Variants in STOX2 observed in about 807,000 individuals in gnomAD.
STOX2 encodes storkhead-box protein 2.
In STOX2, 28 loss-of-function variants were observed where a neutral mutation model predicts 60.9. The observed-to-expected ratio is 0.46, with a 90% CI of 0.34 to 0.63. STOX2 has a LOEUF of 0.63. Ranked by LOEUF, STOX2 falls within the 30% of genes least tolerant of loss-of-function variation. STOX2 has a pLI of 0.01. For missense variants in STOX2, 1,024 were observed against 1,187.7 expected (o/e 0.86, Z 2.03); for synonymous variants, 472 against 463.9 (o/e 1.02, Z -0.22).
chr4:183,943,546 A>G (rs576419259), intron 1 of STOX2, among the ~76,000 whole-genome samples: 87 of 152,344 alleles, frequency 5.7e-4, no homozygotes, highest in Admixed American at 3.1e-3. Flanking sequence ...TAAATAAAAT[A>G]TAGAGAAATA....
At chr4:183,935,712 A>G (rs1247223911) in intron 1 of STOX2, among the ~76,000 whole-genome samples, 1 of 152,248 alleles carries the variant, frequency 6.6e-6, no homozygotes, top group Non-Finnish European at 1.5e-5. Flanking sequence ...GGTTGTTATG[A>G]GAATTAATAT....
chr4:183,975,524 A>G (rs1178631513), intron 1 of STOX2, among the ~76,000 whole-genome samples: 2 of 152,170 alleles, frequency 1.3e-5, no homozygotes, highest in African/African-American at 4.8e-5. Flanking sequence ...AAATATAATA[A>G]GCAAACACCA....
At chr4:183,966,102 T>G (rs556296372) in intron 1 of STOX2, among the ~76,000 whole-genome samples, 147 of 151,522 alleles carry the variant, frequency 9.7e-4, no homozygotes, top group African/African-American at 3.1e-3. Context: ...GAAAGACAGG[T>G]GGGTCAGGCA....
chr4:183,872,616 T>C (rs972681287), intron 1 of STOX2, among the ~76,000 whole-genome samples: 1 of 152,106 alleles, frequency 6.6e-6, no homozygotes, highest in Non-Finnish European at 1.5e-5. Flanking sequence ...GATTGTGAAG[T>C]GGTGGTTTTT....
In STOX2 at chr4:183,942,796, TA is replaced by T. The variant is rs200043887; in HGVS notation, c.166+35849del. 2.4e-4 allele frequency among the ~76,000 whole-genome samples: 36 copies of T among 151,756 alleles called. No homozygotes were observed. The East Asian group carries it at 3.9e-3, about 16-fold the overall frequency. On this transcript the variant is annotated intron_variant, in intron 1 of 3. Coordinates refer to ENST00000308497, the MANE Select transcript of STOX2 (RefSeq NM_020225.3). ...TAAAGATTTTCTATATCATGTGCTT[TA>T]AAAAAAAACTTTTTTAATGGTTTGA...
chr4:184,009,346 T>G lies in STOX2; in HGVS notation c.508T>G (p.Cys170Gly), dbSNP rs1250018704. ...LDERIPDRSQ[C>G]TSPQPGTITP... ...CGAGAGGATACCTGACCGGTCTCAGTGCACCTCTCCGCAACCCGGGACCAT... is the reference window on the plus strand; with the variant it reads ...CGAGAGGATACCTGACCGGTCTCAGGGCACCTCTCCGCAACCCGGGACCAT... The change falls in exon 3 of 4, where the codon TGC becomes GGC. Residue 170 changes from cysteine (C) to glycine (G), a missense_variant. Physicochemically the swap from Cys to Gly is radical, Grantham distance 159. Around this residue, in one of 3 missense-constraint regions of STOX2, gnomAD observed 922 missense variants for 1,058.3 expected, o/e 0.87. Transcript: ENST00000308497. The surrounding 1 kb of genome is among the most constrained non-coding windows in gnomAD (Gnocchi z 4.0). The G allele has an allele frequency of 3.1e-6, 5 of 1,613,980 alleles. No individual in the cohort carries two copies. The highest frequency in any genetic ancestry group is 4.2e-6 in the Non-Finnish European group (5 of 1,179,894).
chr4:183,932,697 T>C (rs1038669473), intron 1 of STOX2, among the ~76,000 whole-genome samples: 7 of 150,502 alleles, frequency 4.7e-5, no homozygotes, highest in African/African-American at 1.7e-4. Context: ...GCCTTGAATA[T>C]GAACTGTTCT....
At position 184,010,361 on chromosome 4, in the gene STOX2, C is replaced by A. The variant is rs375884130; in HGVS notation, c.1523C>A (p.Thr508Lys). The change falls in exon 3 of 4, where the codon ACG becomes AAG. Residue 508 changes from threonine (T) to lysine (K), a missense_variant. Physicochemically the swap from Thr to Lys is moderately conservative, Grantham distance 78 (BLOSUM62 -1). This residue lies in a region of STOX2 where 922 missense variants were observed against 1,058.3 expected (regional missense o/e 0.87). Transcript: ENST00000308497. This position sits in a 1 kb window ranked among gnomAD's most constrained non-coding sequence, Gnocchi z 4.5. ...KGPLGASSLGTPEDLAEGCSQ... is the reference protein window; with the variant it reads ...KGPLGASSLGKPEDLAEGCSQ... ...CCTCTGGGTGCTTCTTCTCTAGGGA[C>A]GCCGGAAGACCTTGCTGAAGGCTGC... The A allele has an allele frequency of 6.2e-7, 1 of 1,611,858 alleles. No homozygotes were observed. The highest frequency in any genetic ancestry group is 1.1e-5 in the South Asian group (1 of 90,536).
At chr4:183,831,135 G>A (rs1360199376) in intron 1 of STOX2, among the ~76,000 whole-genome samples, 1 of 151,836 alleles carries the variant, frequency 6.6e-6, no homozygotes, top group Non-Finnish European at 1.5e-5. Context: ...CGTGAGGGGG[G>A]ATGGTGGGGG....
intron 1 of STOX2, among the ~76,000 whole-genome samples, chr4:183,972,031 T>C (rs1032260910): frequency 6.6e-6 from 1 of 152,202 alleles, no homozygotes; most frequent in Non-Finnish European, 1.5e-5. Flanking sequence ...CTTCCTGACC[T>C]GAGAAGCAGG....
Position 184,001,483 on chromosome 4 carries a change from G to C in STOX2, c.319+6G>C, listed in dbSNP as rs757388667. The C allele has an allele frequency of 3.7e-6, 6 of 1,613,412 alleles. No homozygotes were observed. The highest frequency in any genetic ancestry group is 5.1e-6 in the Non-Finnish European group (6 of 1,179,710). ...CCTGACCACGTGCTTCCCAGGTAAC[G>C]AGGCGGGAACGTAGCACTTTCCAGG... On this transcript the variant is annotated splice_donor_region_variant and intron_variant, in intron 2 of 3. Transcript: ENST00000308497. This position sits in a 1 kb window ranked among gnomAD's most constrained non-coding sequence, Gnocchi z 4.2.
chr4:183,855,102 T>C (rs1258378407), intron 1 of STOX2, among the ~76,000 whole-genome samples: 1 of 152,032 alleles, frequency 6.6e-6, no homozygotes, highest in Non-Finnish European at 1.5e-5. Context: ...TTGGCCAAAT[T>C]AAAATGAGGG....
intron 1 of STOX2, among the ~76,000 whole-genome samples, chr4:183,802,571 G>A (rs1241522763): frequency 6.7e-6 from 1 of 150,332 alleles, no homozygotes; most frequent in Non-Finnish European, 1.5e-5. Context: ...TAGAGACAGG[G>A]TCTCCCTATG....
chr4:183,833,769 T>G (rs1294189912), intron 1 of STOX2, among the ~76,000 whole-genome samples: 15 of 149,768 alleles, frequency 1.0e-4, no homozygotes, highest in African/African-American at 3.4e-4. Context: ...GATCACGAGG[T>G]CAGGAGATCG....
intron 1 of STOX2, among the ~76,000 whole-genome samples, chr4:183,996,233 T>C (rs1210717106): frequency 6.6e-6 from 1 of 152,220 alleles, no homozygotes; most frequent in Admixed American, 6.5e-5. Flanking sequence ...AAAATAAAGC[T>C]GAACTAAAAT....
intron 1 of STOX2, among the ~76,000 whole-genome samples, chr4:183,950,959 T>G (rs140912258): frequency 4.6e-5 from 7 of 152,190 alleles, no homozygotes; most frequent in African/African-American, 9.6e-5. Flanking sequence ...CTCACGCCTG[T>G]AATCCCAGCA....
intron 1 of STOX2, among the ~76,000 whole-genome samples, chr4:183,916,921 G>A (rs1741947739): frequency 6.6e-6 from 1 of 152,176 alleles, no homozygotes; most frequent in Admixed American, 6.5e-5. Context: ...GAGGAAACCT[G>A]ATGGAGTGTG....
At chr4:183,950,978 G>A (rs1261199593) in intron 1 of STOX2, among the ~76,000 whole-genome samples, 25 of 152,212 alleles carry the variant, frequency 1.6e-4, no homozygotes, top group African/African-American at 5.3e-4. Context: ...CACTTTGGGA[G>A]GCCGAGGCGG....
At chr4:184,004,918 T>C (rs1560935314) in intron 2 of STOX2, among the ~76,000 whole-genome samples, 1 of 152,210 alleles carries the variant, frequency 6.6e-6, no homozygotes, top group Non-Finnish European at 1.5e-5. Context: ...AGCTAGACCC[T>C]ATAAGTCCAG....
Sources: gnomAD v4.1 joint callset for allele counts (sites outside exome capture counted in the v4.1 genomes callset) on GRCh38, gnomAD v4.1.1 for gene constraint, gnomAD v4.1.1 regional missense constraint, Gnocchi (gnomAD v3.1) non-coding constraint, MANE v1.5 for transcripts, NCBI Gene and HGNC (gene_info 2026-07-23, HGNC 2026-07-21) for gene names.